The following ZXDC variants were observed in gnomAD, a reference collection of about 807,000 sequenced individuals.
The protein encoded by ZXDC is zinc finger protein ZXDC.
ZXDC carries 58 observed loss-of-function variants against 63.6 expected under a neutral mutation model. The observed-to-expected ratio is 0.91, with a 90% CI of 0.74 to 1.13. The LOEUF (loss-of-function observed/expected upper bound fraction) is 1.13, where lower values mean the gene tolerates loss of function less well. Among genes scored for constraint, ZXDC ranks in the 50% most tolerant of loss-of-function variants. The pLI is 0.00. For missense variants in ZXDC, 1,133 were observed against 1,148.9 expected (o/e 0.99, Z 0.20); for synonymous variants, 561 against 496.1 (o/e 1.13, Z -1.74).
intron 7 of ZXDC, among the ~76,000 whole-genome samples, chr3:126,450,864 C>T (rs567786518): frequency 1.3e-5 from 2 of 152,376 alleles, no homozygotes; most frequent in African/African-American, 4.8e-5. Context: ...GCCACCTCAC[C>T]CTCTGCCCAT....
intron 7 of ZXDC, chr3:126,453,773 C>A: frequency 1.0e-6 from 1 of 976,104 alleles, no homozygotes; most frequent in Non-Finnish European, 1.2e-6. Context: ...TGGCTCACTG[C>A]AACCTCTGCC....
chr3:126,448,232 C>A (rs73859284), intron 7 of ZXDC, among the ~76,000 whole-genome samples: 11,203 of 152,254 alleles, frequency 0.074, 509 homozygotes, highest in South Asian at 0.18. Flanking sequence ...AAATTATTAG[C>A]TTTTATTTGA....
chr3:126,445,120 A>C (rs1405839781), intron 7 of ZXDC, among the ~76,000 whole-genome samples: 1 of 152,190 alleles, frequency 6.6e-6, no homozygotes. Flanking sequence ...CACCAGTTAC[A>C]CTGAGAAGAA....
chr3:126,447,728 A>G (rs1323007175), intron 7 of ZXDC, among the ~76,000 whole-genome samples: 1 of 152,226 alleles, frequency 6.6e-6, no homozygotes, highest in Non-Finnish European at 1.5e-5. Flanking sequence ...AATCAGTAGC[A>G]GGTGATGAAT....
In ZXDC at chr3:126,475,032, G is replaced by C. The variant is rs1935129668; in HGVS notation, c.834C>G (p.Pro278=). ...FKCEVCAERF[P]THAKLSSHQR... ...GGTGGGAGCTGAGCTTGGCGTGCGT[G>C]GGGAAGCGCTCGGCGCACACCTCGC... Residue 278 remains proline (P), a synonymous_variant, in exon 1 of 10, where the codon CCC becomes CCG. Transcript: ENST00000389709. 1.3e-6 allele frequency: 2 copies of C among 1,599,438 alleles called. No homozygotes were observed. The highest frequency in any genetic ancestry group is 4.5e-5 in the East Asian group (2 of 44,138).
intron 7 of ZXDC, chr3:126,459,439 T>G (rs940472593): frequency 2.0e-6 from 2 of 985,486 alleles, no homozygotes; most frequent in East Asian, 2.3e-4. Context: ...AAAGCTTGTT[T>G]AGGCAAATAA....
In ZXDC at chr3:126,438,241, C is replaced by T; in HGVS notation, c.*134G>A. 1 of 727,318 alleles carries T rather than the reference C, an allele frequency of 1.4e-6. No individual in the cohort carries two copies. Among genetic ancestry groups the T allele is most frequent in the South Asian group, 1.6e-5 (1 of 63,706 alleles). 45.1% of individuals were successfully genotyped at this position (727,318 alleles called of 1,614,324 possible). On this transcript the variant is annotated 3_prime_UTR_variant, in exon 10 of 10. Transcript: ENST00000389709. ...AAGGAAAACATTTTTGATAAATGTA[C>T]CCAAAAGTCTCAAAAGGGCTACGCT... is the stretch of plus-strand genomic sequence containing the variant.
At chr3:126,466,095 G>C (rs1018843894) in intron 5 of ZXDC, 60 bp downstream of exon 5, 15 of 1,553,986 alleles carry the variant, frequency 9.7e-6, no homozygotes, top group Non-Finnish European at 1.2e-5. Flanking sequence ...GACGGCACTG[G>C]CACTGTTCCC....
At chr3:126,453,109 A>G in intron 7 of ZXDC, 1 of 985,428 alleles carries the variant, frequency 1.0e-6, no homozygotes, top group Non-Finnish European at 1.2e-6. Context: ...CAAATTCCAC[A>G]AAGGGGGAGA....
intron 7 of ZXDC, among the ~76,000 whole-genome samples, chr3:126,446,115 T>C (rs1318984561): frequency 6.6e-6 from 1 of 152,132 alleles, no homozygotes; most frequent in Non-Finnish European, 1.5e-5. Context: ...CACAAACCCT[T>C]ATAGAACAAG....
chr3:126,454,283 G>C, intron 7 of ZXDC: 1 of 984,408 alleles, frequency 1.0e-6, no homozygotes, highest in Non-Finnish European at 1.2e-6. Flanking sequence ...AATTATCTGA[G>C]ATTTCTATTG....
chr3:126,444,304 G>A (rs1019420614), intron 7 of ZXDC, among the ~76,000 whole-genome samples: 5 of 152,284 alleles, frequency 3.3e-5, no homozygotes, highest in Admixed American at 1.3e-4. Flanking sequence ...AGGCCAAGGC[G>A]GGCAGATTAC....
chr3:126,453,574 T>A, intron 7 of ZXDC: 1 of 985,500 alleles, frequency 1.0e-6, no homozygotes, highest in Non-Finnish European at 1.2e-6. Context: ...AAGTGCAGCG[T>A]GCTTCTATTA....
In ZXDC at chr3:126,462,089, A is replaced by G; in HGVS notation, c.1573T>C (p.Ser525Pro). ...AGAGCCTCATCCGACCCACCTGCAG[A>G]ACCACTAGCATTGGCAGGTGTGTCA... Reference protein sequence around the residue: ...FSDTPANASGSAGGSDEALNS... With the variant: ...FSDTPANASGPAGGSDEALNS... The change falls in exon 6 of 10, where the codon TCT becomes CCT. Residue 525 changes from serine (S) to proline (P), a missense_variant. Ser to Pro is a moderately conservative substitution (Grantham distance 74). Coordinates refer to ENST00000389709, the MANE Select transcript of ZXDC (RefSeq NM_025112.5). 6.2e-7 allele frequency: 1 copy of G among 1,614,138 alleles called. No individual in the cohort carries two copies. Among genetic ancestry groups the G allele is most frequent in the Non-Finnish European group, 8.5e-7 (1 of 1,180,022 alleles).
chr3:126,439,524 A>G (rs1933590434), intron 9 of ZXDC, 108 bp downstream of exon 9: 1 of 1,539,902 alleles, frequency 6.5e-7, no homozygotes, highest in Non-Finnish European at 8.8e-7. Flanking sequence ...GAGCCTCCCA[A>G]GCCACGCGGC....
intron 6 of ZXDC, 181 bp downstream of exon 6, chr3:126,461,354 A>G (rs1934525964): frequency 7.2e-7 from 1 of 1,385,398 alleles, no homozygotes; most frequent in Non-Finnish European, 9.3e-7. Flanking sequence ...TTTAAGGCTC[A>G]GATGGGTTAA....
rs749901847 is a variant in ZXDC at position 126,475,080 on chromosome 3, G to C, written c.786C>G (p.His262Gln). 1.2e-6 allele frequency: 2 copies of C among 1,607,782 alleles called. No individual in the cohort carries two copies. The highest frequency in any genetic ancestry group is 1.7e-6 in the Non-Finnish European group (2 of 1,177,198). The part of the protein sequence containing the change: ...VYNLKAHMKG[H>Q]EQESLFKCEV... ...CGCACTTGAACAGGCTCTCCTGCTCGTGGCCCTTCATGTGCGCCTTGAGGT... is the reference window on the plus strand; with the variant it reads ...CGCACTTGAACAGGCTCTCCTGCTCCTGGCCCTTCATGTGCGCCTTGAGGT... The change falls in exon 1 of 10, where the codon CAC (histidine) becomes CAG (glutamine). Residue 262 changes from histidine to glutamine, a missense_variant. His to Gln is a conservative substitution (Grantham distance 24). Coordinates refer to ENST00000389709, the MANE Select transcript of ZXDC (RefSeq NM_025112.5).
intron 7 of ZXDC, chr3:126,454,173 T>A: frequency 1.0e-6 from 1 of 977,910 alleles, no homozygotes; most frequent in Non-Finnish European, 1.2e-6. Flanking sequence ...TTAAATCAAC[T>A]TTATTAATCC....
chr3:126,461,651 C>T lies in ZXDC; in HGVS notation c.2011G>A (p.Ala671Thr), dbSNP rs1301946013. Residue 671 changes from alanine (A) to threonine (T), a missense_variant, in exon 6 of 10, where the codon GCA becomes ACA. Coordinates refer to ENST00000389709, the MANE Select transcript of ZXDC (RefSeq NM_025112.5). ...VEPDSPSRPG[A>T]VGQQEGSHGL... The stretch of plus-strand genomic sequence containing the variant: ...TGGCTTCCTTCCTGCTGCCCAACTG[C>T]TCCTGGGCGAGAAGGCGAGTCCGGC... 6.8e-6 allele frequency: 11 copies of T among 1,613,660 alleles called. No homozygotes were observed. Among genetic ancestry groups the T allele is most frequent in the Non-Finnish European group, 9.3e-6 (11 of 1,180,008 alleles).
Sources: allele counts gnomAD v4.1 joint callset (sites outside exome capture counted in the v4.1 genomes callset), GRCh38; gene constraint gnomAD v4.1.1; transcripts MANE v1.5; gene names NCBI Gene and HGNC (gene_info 2026-07-23, HGNC 2026-07-21).